Variants in GRID2 observed in about 807,000 individuals in gnomAD.
The protein encoded by GRID2 is glutamate receptor ionotropic, delta-2.
GRID2 carries 33 observed loss-of-function variants against 114.8 expected under a neutral mutation model. The ratio of observed to expected loss-of-function variants is 0.29; its 90% CI spans 0.22 to 0.38. The LOEUF is 0.38. Among genes scored for constraint, GRID2 ranks in the 10% least tolerant of loss-of-function variants. The pLI, the probability that GRID2 is intolerant of heterozygous loss-of-function variation, is 1.00. For missense variants in GRID2, 1,184 were observed against 1,257.7 expected, an observed-to-expected ratio of 0.94 and a Z score of 0.89; for synonymous variants, 505 against 449.9, an observed-to-expected ratio of 1.12 and a Z score of -1.55.
intron 4 of GRID2, among the ~76,000 whole-genome samples, chr4:93,139,804 A>C (rs1366474784): frequency 6.6e-6 from 1 of 152,080 alleles, no homozygotes; most frequent in Non-Finnish European, 1.5e-5. Flanking sequence ...TATTGTAGTT[A>C]CTTGCAGAAG....
intron 2 of GRID2, among the ~76,000 whole-genome samples, chr4:92,891,828 T>C (rs1746805301): frequency 6.6e-6 from 1 of 152,156 alleles, no homozygotes; most frequent in Non-Finnish European, 1.5e-5. Context: ...TGATTTTCAG[T>C]CTCTGATATA....
intron 13 of GRID2, among the ~76,000 whole-genome samples, chr4:93,597,631 G>C (rs1044226530): frequency 2.0e-5 from 3 of 152,154 alleles, no homozygotes; most frequent in African/African-American, 7.2e-5. Context: ...TATCAGAGCA[G>C]TCACTCCAGC....
chr4:93,662,000 A>G (rs1381257137), intron 14 of GRID2, among the ~76,000 whole-genome samples: 3 of 152,118 alleles, frequency 2.0e-5, no homozygotes, highest in African/African-American at 4.8e-5. Context: ...GGCTCCTGAC[A>G]TCACTTCTTC....
At chr4:93,132,748 G>A (rs2149377180) in intron 4 of GRID2, among the ~76,000 whole-genome samples, 1 of 152,290 alleles carries the variant, frequency 6.6e-6, no homozygotes, top group Admixed American at 6.5e-5. Context: ...GTAGGCAGAG[G>A]GAGGGTTGGG....
intron 8 of GRID2, among the ~76,000 whole-genome samples, chr4:93,336,855 G>C (rs1301706252): frequency 6.6e-6 from 1 of 151,738 alleles, no homozygotes; most frequent in Non-Finnish European, 1.5e-5. Context: ...CTATTTCTTT[G>C]TTTGGTTCTT....
chr4:92,591,251 G>A (rs1728696627), intron 2 of GRID2, among the ~76,000 whole-genome samples: 1 of 152,120 alleles, frequency 6.6e-6, no homozygotes, highest in Non-Finnish European at 1.5e-5. Context: ...GGCACCGTCT[G>A]TGAAGCAGAA....
intron 2 of GRID2, among the ~76,000 whole-genome samples, chr4:92,683,937 T>C (rs1733775642): frequency 6.6e-6 from 1 of 151,910 alleles, no homozygotes; most frequent in South Asian, 2.1e-4. Flanking sequence ...TTTTAACATA[T>C]CTCTCTTTAA....
chr4:93,515,436 T>C, intron 13 of GRID2, 25 bp downstream of exon 13: 1 of 1,438,902 alleles, frequency 6.9e-7, no homozygotes, highest in Non-Finnish European at 9.7e-7. Context: ...TCTCCTTTAA[T>C]AGTCCTTACC....
chr4:92,437,060 A>T (rs1203981552), intron 1 of GRID2, among the ~76,000 whole-genome samples: 1 of 152,208 alleles, frequency 6.6e-6, no homozygotes, highest in Non-Finnish European at 1.5e-5. Context: ...TGAAGGACAG[A>T]TTCTAGTTAA....
intron 1 of GRID2, among the ~76,000 whole-genome samples, chr4:92,468,262 G>A (rs1475858172): frequency 6.6e-6 from 1 of 151,822 alleles, no homozygotes; most frequent in African/African-American, 2.4e-5. Flanking sequence ...CCCTGACTAG[G>A]TGTTTTTACT....
intron 2 of GRID2, among the ~76,000 whole-genome samples, chr4:92,857,360 T>A (rs1220621959): frequency 6.6e-6 from 1 of 152,144 alleles, no homozygotes; most frequent in African/African-American, 2.4e-5. Context: ...AAGTTGTGAA[T>A]GTACAGGGTG....
chr4:92,539,559 A>G (rs963892649), intron 1 of GRID2, among the ~76,000 whole-genome samples: 1 of 151,936 alleles, frequency 6.6e-6, no homozygotes, highest in Non-Finnish European at 1.5e-5. Context: ...TCATTTCTCT[A>G]TTGGATTATT....
chr4:93,764,481 A>G (rs890394362), intron 14 of GRID2, among the ~76,000 whole-genome samples: 23 of 152,156 alleles, frequency 1.5e-4, no homozygotes, highest in African/African-American at 5.3e-4. Context: ...TGTGACAATA[A>G]TAAGTCTAGC....
At chr4:93,518,622 G>A (rs75731805) in intron 13 of GRID2, among the ~76,000 whole-genome samples, 2,294 of 152,174 alleles carry the variant, frequency 0.015, 68 homozygotes, top group East Asian at 0.13. Context: ...ATGTTCAGTA[G>A]TGAGAATTGT....
intron 1 of GRID2, among the ~76,000 whole-genome samples, chr4:92,586,355 TACAC>T (rs200184543): frequency 0.025 from 3,610 of 145,936 alleles, 41 homozygotes; most frequent in Non-Finnish European, 0.03. Flanking sequence ...ACAAAAAATC[TACAC>T]ACACACACAC....
At chr4:92,592,655 T>C (rs1728758580) in intron 2 of GRID2, among the ~76,000 whole-genome samples, 1 of 152,088 alleles carries the variant, frequency 6.6e-6, no homozygotes, top group Non-Finnish European at 1.5e-5. Flanking sequence ...ACAGTTTGCC[T>C]GATGGTTTCT....
At chr4:92,343,069 G>A (rs190927875) in intron 1 of GRID2, among the ~76,000 whole-genome samples, 24 of 151,930 alleles carry the variant, frequency 1.6e-4, no homozygotes, top group African/African-American at 4.6e-4. Flanking sequence ...GACATATTTC[G>A]CTATAATGCA....
intron 8 of GRID2, among the ~76,000 whole-genome samples, chr4:93,244,123 T>A (rs1747862875): frequency 3.9e-5 from 6 of 152,060 alleles, no homozygotes; most frequent in Admixed American, 3.9e-4. Context: ...TCATTTTTGT[T>A]AAGTTTGCCA....
At chr4:93,656,970 T>A (rs1237459236) in intron 14 of GRID2, among the ~76,000 whole-genome samples, 1 of 151,984 alleles carries the variant, frequency 6.6e-6, no homozygotes, top group African/African-American at 2.4e-5. Context: ...GTTTGTTTTT[T>A]CAGGTAGTTT....
Sources: allele counts gnomAD v4.1 joint callset (sites outside exome capture counted in the v4.1 genomes callset), GRCh38; gene constraint gnomAD v4.1.1; transcripts MANE v1.5; gene names NCBI Gene and HGNC (gene_info 2026-07-23, HGNC 2026-07-21).